The following FRAS1 variants were observed in gnomAD, a reference collection of about 807,000 sequenced individuals.
The protein encoded by FRAS1 is Fraser extracellular matrix complex subunit 1, also known as extracellular matrix organizing protein FRAS1.
In FRAS1, 290 loss-of-function variants were observed where a neutral mutation model predicts 435.2. That is an observed-to-expected ratio of 0.67 (90% CI 0.61 to 0.73). The LOEUF (loss-of-function observed/expected upper bound fraction) is 0.73. Ranked by LOEUF, FRAS1 falls within the 30% of genes least tolerant of loss-of-function variation. The pLI, the probability that FRAS1 is intolerant of heterozygous loss-of-function variation, is 0.00. For synonymous variants in FRAS1, 1,800 were observed against 1,851.0 expected (o/e 0.97, Z 0.71); for missense variants, 4,860 against 5,001.5 (o/e 0.97, Z 0.85).
intron 20 of FRAS1, among the ~76,000 whole-genome samples, chr4:78,341,323 G>A (rs1730388996): frequency 6.6e-6 from 1 of 152,172 alleles, no homozygotes; most frequent in Non-Finnish European, 1.5e-5. Context: ...GAGCAGGACT[G>A]GTCTGTAGGG....
intron 58 of FRAS1, among the ~76,000 whole-genome samples, chr4:78,486,935 G>A (rs1475226108): frequency 6.7e-6 from 1 of 150,226 alleles, no homozygotes; most frequent in East Asian, 2.0e-4. Flanking sequence ...ATTTGGAGTT[G>A]ATTAATGCAT....
chr4:78,165,719 G>A (rs946447697), intron 2 of FRAS1, among the ~76,000 whole-genome samples: 2 of 152,160 alleles, frequency 1.3e-5, no homozygotes, highest in South Asian at 4.1e-4. Flanking sequence ...CTAGGGGTTG[G>A]CTCCTGTGGA....
intron 6 of FRAS1, among the ~76,000 whole-genome samples, chr4:78,256,977 C>T (rs959696771): frequency 7.2e-5 from 11 of 152,112 alleles, no homozygotes; most frequent in South Asian, 2.1e-4. Flanking sequence ...ATCAAATTAG[C>T]GCTATTGTTG....
chr4:78,303,271 T>A (rs1388463856), intron 14 of FRAS1, among the ~76,000 whole-genome samples: 2 of 152,188 alleles, frequency 1.3e-5, no homozygotes, highest in Non-Finnish European at 2.9e-5. Flanking sequence ...CCTTGTAGTA[T>A]AGTTTGAAGT....
At chr4:78,373,400 C>A (rs1410667729) in intron 24 of FRAS1, among the ~76,000 whole-genome samples, 2 of 151,006 alleles carry the variant, frequency 1.3e-5, no homozygotes, top group African/African-American at 4.9e-5. Context: ...ACTTGATGAA[C>A]CACGAAAGGT....
At chr4:78,198,339 G>A (rs1453037293) in intron 2 of FRAS1, among the ~76,000 whole-genome samples, 2 of 152,170 alleles carry the variant, frequency 1.3e-5, no homozygotes, top group Non-Finnish European at 2.9e-5. Context: ...CAGCCCAGTC[G>A]ACTATTATTT....
chr4:78,439,075 C>G lies in FRAS1; in HGVS notation c.5529+11C>G, dbSNP rs772767897. 1.9e-6 allele frequency: 3 copies of G among 1,607,642 alleles called. No individual in the cohort carries two copies. In the South Asian group the frequency reaches 3.3e-5, roughly 18 times the overall value. On this transcript the variant is annotated intron_variant, in intron 40 of 73. Transcript: ENST00000512123. ...GCTGACCTTATCACGGTAAACAATT[C>G]TCAGATCAATAAACAGTGAGTACTA...
At chr4:78,274,808 GT>G (rs1170918695) in intron 9 of FRAS1, among the ~76,000 whole-genome samples, 1 of 152,182 alleles carries the variant, frequency 6.6e-6, no homozygotes, top group African/African-American at 2.4e-5. Flanking sequence ...GGGGTGGAGA[GT>G]TCTGTAGATG....
intron 2 of FRAS1, among the ~76,000 whole-genome samples, chr4:78,212,070 T>C (rs1723536998): frequency 6.6e-6 from 1 of 152,306 alleles, no homozygotes; most frequent in Middle Eastern, 3.4e-3. Flanking sequence ...CATATGTATG[T>C]ATATATATAC....
chr4:78,518,492 A>G (rs1721289470), intron 66 of FRAS1, among the ~76,000 whole-genome samples: 1 of 148,926 alleles, frequency 6.7e-6, no homozygotes, highest in Non-Finnish European at 1.5e-5. Flanking sequence ...GTATAAAAAT[A>G]TTTTAAAAAT....
At position 78,091,955 on chromosome 4, in the gene FRAS1, TGG is replaced by T. The variant is rs1741546529; in HGVS notation, c.108+25941_108+25942del. Among the ~76,000 whole-genome samples, 3 of 109,796 alleles carry T rather than the reference TGG, an allele frequency of 2.7e-5. No individual in the cohort carries two copies. The South Asian group carries it at 9.1e-4, about 33-fold the overall frequency. 72.0% of individuals were successfully genotyped at this position (109,796 alleles called of 152,430 possible). On this transcript the variant is annotated intron_variant, in intron 2 of 73. Transcript: ENST00000512123. ...TGAGTCCAGAAGTTTGAGACCAACC[TGG>T]GAAACATAGTGAGACTGTCTCAAAA... is the stretch of plus-strand genomic sequence containing the variant.
chr4:78,117,507 A>T (rs1718687568), intron 2 of FRAS1, among the ~76,000 whole-genome samples: 1 of 151,890 alleles, frequency 6.6e-6, no homozygotes, highest in African/African-American at 2.4e-5. Context: ...ATAGTCCCTT[A>T]TTTCTTGGAG....
chr4:78,064,223 AAAAT>A (rs966471747), intron 1 of FRAS1, among the ~76,000 whole-genome samples: 8 of 150,770 alleles, frequency 5.3e-5, no homozygotes, highest in Non-Finnish European at 1.0e-4. Flanking sequence ...ATAAATAAAT[AAAAT>A]AAAAAAATAG....
intron 2 of FRAS1, among the ~76,000 whole-genome samples, chr4:78,115,215 G>T (rs1440362159): frequency 1.3e-5 from 2 of 151,760 alleles, no homozygotes; most frequent in Admixed American, 6.6e-5. Context: ...TTGATGTGCT[G>T]CTGGATTCGG....
chr4:78,257,277 A>G (rs1454901), intron 6 of FRAS1, among the ~76,000 whole-genome samples: 143,888 of 152,208 alleles, frequency 0.95, 68,414 homozygotes, highest in Non-Finnish European at 1. Flanking sequence ...TACTACTCCC[A>G]GAATAATGAG....
rs550761634 is a variant in FRAS1, at chr4:78,273,220, C to T, written c.982-5435C>T. ...AGCTTAAGGAGATTTTGGGCTGAGA[C>T]GATGGGGTTTTCTAAATATACAACC... is the stretch of plus-strand genomic sequence containing the variant. On this transcript the variant is annotated intron_variant, in intron 9 of 73. Transcript: ENST00000512123. 7.9e-5 allele frequency among the ~76,000 whole-genome samples: 12 copies of T among 152,262 alleles called. 1 individual carries two copies. The highest frequency in any genetic ancestry group is 1.9e-4 in the East Asian group (1 of 5,178).
intron 16 of FRAS1, among the ~76,000 whole-genome samples, chr4:78,316,508 C>A (rs1307948816): frequency 2.6e-5 from 4 of 152,234 alleles, no homozygotes; most frequent in African/African-American, 9.6e-5. Flanking sequence ...GTCCTGCCCC[C>A]ACGTTCTCAT....
intron 59 of FRAS1, among the ~76,000 whole-genome samples, chr4:78,496,553 T>C (rs1214300869): frequency 1.3e-5 from 2 of 152,216 alleles, no homozygotes; most frequent in South Asian, 2.1e-4. Context: ...GTTGATCTTG[T>C]TTTTCATAAT....
intron 2 of FRAS1, among the ~76,000 whole-genome samples, chr4:78,139,028 G>T (rs918743387): frequency 2.0e-5 from 3 of 152,262 alleles, no homozygotes; most frequent in East Asian, 3.9e-4. Flanking sequence ...AAATTAGAAT[G>T]ATCCAGCTTA....
Sources: gnomAD v4.1 joint callset for allele counts (sites outside exome capture counted in the v4.1 genomes callset) on GRCh38, gnomAD v4.1.1 for gene constraint, MANE v1.5 for transcripts, NCBI Gene and HGNC (gene_info 2026-07-23, HGNC 2026-07-21) for gene names.